Variants in GSE1 observed in about 807,000 individuals in gnomAD.
The protein encoded by GSE1 is genetic suppressor element 1.
Under a neutral mutation model 112.6 loss-of-function variants are expected in GSE1, and 32 were observed. That is an observed-to-expected ratio of 0.28 (90% CI 0.21 to 0.38). GSE1 has a LOEUF of 0.38. Among genes scored for constraint, GSE1 ranks in the 10% least tolerant of loss-of-function variants. GSE1 has a pLI of 1.00. For missense variants in GSE1, 2,348 were observed against 1,699.2 expected (o/e 1.38, Z -6.71); for synonymous variants, 1,115 against 735.6 (o/e 1.52, Z -8.35).
Position 85,447,660 on chromosome 16 carries a change from C to T in GSE1, c.2464+90017C>T, listed in dbSNP as rs187540398. 8.5e-5 allele frequency among the ~76,000 whole-genome samples: 13 copies of T among 152,332 alleles called. No homozygotes were observed. In the East Asian group the frequency reaches 1.2e-3, roughly 14 times the overall value. On this transcript the variant is annotated intron_variant, in intron 2 of 2. Coordinates refer to the GSE1 transcript ENST00000637419. ...TCTTCCCACTAACCAGATGAGGCCA[C>T]GGAGGCTCTGTGGGGCTCGGAGCTT...
intron 1 of GSE1, among the ~76,000 whole-genome samples, chr16:85,565,406 C>CA (rs71153804): frequency 3.8e-4 from 54 of 141,930 alleles, no homozygotes; most frequent in East Asian, 6.0e-4. Context: ...AAAAAAAAAA[C>CA]AAAAAAAAAC....
rs1027428913 is a variant in GSE1 at position 85,304,082 on chromosome 16, G to A, written c.2284-53381G>A. On this transcript the variant is annotated intron_variant, in intron 1 of 2. Coordinates refer to the GSE1 transcript ENST00000637419. ...AGGACAGAGCCCCTTGGCCTCCTGA[G>A]GTCCCTGGTGTGTCTCTCCATGGTT... is the stretch of plus-strand genomic sequence containing the variant. Among the ~76,000 whole-genome samples the A allele has an allele frequency of 3.3e-5, 5 of 152,374 alleles. No homozygotes were observed. The East Asian group carries it at 7.7e-4, about 24-fold the overall frequency.
chr16:85,630,293 G>A (rs780825831), intron 1 of GSE1, among the ~76,000 whole-genome samples: 1 of 152,186 alleles, frequency 6.6e-6, no homozygotes, highest in Non-Finnish European at 1.5e-5. Flanking sequence ...GCCCACGCTT[G>A]GGGAAGGGAA....
intron 1 of GSE1, among the ~76,000 whole-genome samples, chr16:85,334,569 G>A (rs569358294): frequency 6.6e-6 from 1 of 152,340 alleles, no homozygotes; most frequent in Non-Finnish European, 1.5e-5. Flanking sequence ...GGACTCTGAG[G>A]TGCAGGGGCA....
At chr16:85,485,149 CA>C (rs145637866) in intron 2 of GSE1, among the ~76,000 whole-genome samples, 2,305 of 152,346 alleles carry the variant, frequency 0.015, 46 homozygotes, top group African/African-American at 0.053. Flanking sequence ...ACATTCCGGG[CA>C]GCGTTCACGC....
At chr16:85,246,750 T>C (rs1905888749) in intron 1 of GSE1, among the ~76,000 whole-genome samples, 1 of 151,686 alleles carries the variant, frequency 6.6e-6, no homozygotes, top group African/African-American at 2.4e-5. Context: ...GCACTGTGCC[T>C]GGAAGCAATG....
Position 85,655,795 on chromosome 16 carries a change from G to T in GSE1, c.867G>T (p.Leu289=), listed in dbSNP as rs1156793581. The change falls in exon 6 of 16, where the codon CTG becomes CTT. Residue 289 remains leucine (L), a synonymous_variant. Transcript: ENST00000253458. ...PFYPIPTPGS[L]PPLHPSAMHL... ...ACCCCATCCCCACCCCCGGCTCCCTGCCCCCACTGCACCCATCAGCGATGC... is the reference window on the plus strand; with the variant it reads ...ACCCCATCCCCACCCCCGGCTCCCTTCCCCCACTGCACCCATCAGCGATGC... 3.1e-5 allele frequency: 49 copies of T among 1,599,982 alleles called. No individual in the cohort carries two copies. Among genetic ancestry groups the T allele is most frequent in the Non-Finnish European group, 4.0e-5 (47 of 1,171,654 alleles).
At position 85,373,051 on chromosome 16, in the gene GSE1, G is replaced by C. The variant is rs1398675388; in HGVS notation, c.2464+15408G>C. 2.0e-5 allele frequency among the ~76,000 whole-genome samples: 3 copies of C among 152,250 alleles called. No homozygotes were observed. The highest frequency in any genetic ancestry group is 2.1e-4 in the South Asian group (1 of 4,834). ...CTGTGAGACATGCAGAAGTTCTCCA[G>C]AATCACCTGCACGGCTTTGACTGTG... is the stretch of plus-strand genomic sequence containing the variant. On this transcript the variant is annotated intron_variant, in intron 2 of 2. Coordinates refer to the GSE1 transcript ENST00000637419. The surrounding 1 kb of genome is among the most constrained non-coding windows in gnomAD (Gnocchi z 5.1).
At chr16:85,350,848 C>G (rs1035809626) in intron 1 of GSE1, among the ~76,000 whole-genome samples, 1 of 152,206 alleles carries the variant, frequency 6.6e-6, no homozygotes, top group Non-Finnish European at 1.5e-5. Flanking sequence ...GCAATGATCT[C>G]AGCCCCCTGC....
chr16:85,190,565 G>C (rs2143436498), intron 1 of GSE1, among the ~76,000 whole-genome samples: 1 of 152,354 alleles, frequency 6.6e-6, no homozygotes, highest in South Asian at 2.1e-4. Context: ...GGGTGAAGTT[G>C]AGTCTAACAC....
intron 2 of GSE1, among the ~76,000 whole-genome samples, chr16:85,639,526 C>T (rs944007051): frequency 1.2e-4 from 18 of 152,392 alleles, no homozygotes; most frequent in Admixed American, 6.5e-4. Context: ...GCGGGTGTGT[C>T]GGGATCCCCC....
rs1335789366 is a variant in GSE1 at position 85,673,548 on chromosome 16, G to C, written c.*1009G>C. ...GGTCAGGACATTAAAATATTGAAGTGTTTTTAAAAATTAAAGAAGAAGAAA... is the reference window on the plus strand; with the variant it reads ...GGTCAGGACATTAAAATATTGAAGTCTTTTTAAAAATTAAAGAAGAAGAAA... On this transcript the variant is annotated 3_prime_UTR_variant, in exon 16 of 16. Transcript: ENST00000253458. The C allele has an allele frequency of 6.6e-6, 1 of 151,004 alleles. No individual in the cohort carries two copies. The highest frequency in any genetic ancestry group is 1.5e-5 in the Non-Finnish European group (1 of 67,854). The allele number at this position is 151,004 out of a possible 1,614,324, so 9.4% of individuals were successfully genotyped here. A position where few individuals can be genotyped will look rare whatever the true frequency, so the allele number is the denominator to read the frequency against.
intron 2 of GSE1, among the ~76,000 whole-genome samples, chr16:85,478,067 G>T (rs933931613): frequency 2.0e-5 from 3 of 152,114 alleles, no homozygotes; most frequent in Non-Finnish European, 4.4e-5. Context: ...CCACTCATCC[G>T]CTTTCTGTCT....
At chr16:85,563,486 A>C (rs1275939903) in intron 1 of GSE1, among the ~76,000 whole-genome samples, 1 of 151,990 alleles carries the variant, frequency 6.6e-6, no homozygotes, top group Non-Finnish European at 1.5e-5. Context: ...GGAAGCTGGG[A>C]GTGGGTGCTG....
At chr16:85,554,032 AG>A (rs1331006620), upstream of GSE1, among the ~76,000 whole-genome samples, 2 of 152,180 alleles carry the variant, frequency 1.3e-5, no homozygotes, top group Non-Finnish European at 2.9e-5. Context: ...TGGGGTCAAA[AG>A]GTGACCCCTT....
At chr16:85,646,665 C>T (rs1248805096) in intron 2 of GSE1, among the ~76,000 whole-genome samples, 1 of 152,140 alleles carries the variant, frequency 6.6e-6, no homozygotes, top group African/African-American at 2.4e-5. Flanking sequence ...GTGTACAAGT[C>T]CACAACCGTG....
intron 2 of GSE1, among the ~76,000 whole-genome samples, chr16:85,361,149 C>T (rs2047067310): frequency 7.2e-6 from 1 of 138,856 alleles, no homozygotes; most frequent in Non-Finnish European, 1.5e-5. Flanking sequence ...CACACAAACA[C>T]ACAGACACAC....
chr16:85,509,717 C>T (rs919290319), intron 2 of GSE1, among the ~76,000 whole-genome samples: 3 of 152,230 alleles, frequency 2.0e-5, no homozygotes, highest in Non-Finnish European at 2.9e-5. Context: ...GTGCTGTTCA[C>T]GGCACACCTC....
intron 2 of GSE1, among the ~76,000 whole-genome samples, chr16:85,387,992 G>GTGGATGGATGGA (rs58416051): frequency 3.8e-4 from 39 of 103,222 alleles, no homozygotes; most frequent in African/African-American, 1.6e-3. Context: ...GGATGGGTGG[G>GTGGATGGATGGA]TGGATGGATG....
Sources: gnomAD v4.1 joint callset for allele counts (sites outside exome capture counted in the v4.1 genomes callset) on GRCh38, gnomAD v4.1.1 for gene constraint, Gnocchi (gnomAD v3.1) non-coding constraint, MANE v1.5 for transcripts, NCBI Gene and HGNC (gene_info 2026-07-23, HGNC 2026-07-21) for gene names.